Variants in FABP12 observed in about 807,000 individuals in gnomAD.
The protein encoded by FABP12 is fatty acid binding protein 12.
FABP12 carries 19 observed loss-of-function variants against 13.7 expected under a neutral mutation model. The ratio of observed to expected loss-of-function variants is 1.39; its 90% CI spans 0.97 to 2.04. The LOEUF (loss-of-function observed/expected upper bound fraction) is 2.04, where lower values mean the gene tolerates loss of function less well. Ranked by LOEUF, FABP12 falls within the 30% of genes most tolerant of loss-of-function variation. The pLI, the probability that FABP12 is intolerant of heterozygous loss-of-function variation, is 0.00. For missense variants in FABP12, 182 were observed against 164.2 expected, an observed-to-expected ratio of 1.11 and a Z score of -0.59; for synonymous variants, 61 against 57.0, an observed-to-expected ratio of 1.07 and a Z score of -0.32.
chr8:81,553,772 T>C (rs1809563392), intron 1 of FABP12, among the ~76,000 whole-genome samples: 1 of 152,226 alleles, frequency 6.6e-6, no homozygotes, highest in South Asian at 2.1e-4. Context: ...GTTACTTTTG[T>C]AGTGTTTCTT....
chr8:81,552,458 G>C (rs1809536917), intron 1 of FABP12, among the ~76,000 whole-genome samples: 1 of 152,144 alleles, frequency 6.6e-6, no homozygotes, highest in Non-Finnish European at 1.5e-5. Flanking sequence ...ACTGGGGAGT[G>C]ATTTGATCAG....
At chr8:81,531,786 A>G (rs1156644795) in intron 1 of FABP12, among the ~76,000 whole-genome samples, 2 of 152,212 alleles carry the variant, frequency 1.3e-5, no homozygotes, top group East Asian at 1.9e-4. Flanking sequence ...GATAGTTTCA[A>G]CTAAACACCA....
intron 1 of FABP12, among the ~76,000 whole-genome samples, chr8:81,560,609 G>C (rs1809706843): frequency 6.6e-6 from 1 of 152,124 alleles, no homozygotes; most frequent in Non-Finnish European, 1.5e-5. Context: ...GACCATACAT[G>C]CAATTTACTG....
intron 1 of FABP12, among the ~76,000 whole-genome samples, chr8:81,576,010 C>G (rs1003798602): frequency 6.6e-6 from 1 of 152,106 alleles, no homozygotes; most frequent in African/African-American, 2.4e-5. Flanking sequence ...TAATCAGAAG[C>G]CTTTATTTAA....
At chr8:81,576,391 G>A (rs1294739373) in intron 1 of FABP12, among the ~76,000 whole-genome samples, 1 of 151,842 alleles carries the variant, frequency 6.6e-6, no homozygotes, top group Non-Finnish European at 1.5e-5. Flanking sequence ...ATAGTAAAAG[G>A]TCTTCTCCCA....
chr8:81,535,940 T>C (rs1443373447), upstream of FABP12, among the ~76,000 whole-genome samples: 1 of 152,216 alleles, frequency 6.6e-6, no homozygotes, highest in Non-Finnish European at 1.5e-5. Context: ...AGCACCCTTG[T>C]TGGCTAATCA....
intron 1 of FABP12, among the ~76,000 whole-genome samples, chr8:81,563,592 C>A (rs1166726753): frequency 2.0e-5 from 3 of 152,050 alleles, no homozygotes; most frequent in Admixed American, 2.0e-4. Flanking sequence ...AGATTGAAAT[C>A]ATTAAAAAGA....
chr8:81,525,843 G>A (rs933640804), intron 4 of FABP12: 2 of 151,958 alleles, frequency 1.3e-5, no homozygotes, highest in African/African-American at 4.8e-5. Context: ...TGGTTTTCAG[G>A]GCACTAATAT....
intron 1 of FABP12, among the ~76,000 whole-genome samples, chr8:81,575,364 A>G (rs1463026205): frequency 6.6e-6 from 1 of 152,114 alleles, no homozygotes; most frequent in African/African-American, 2.4e-5. Context: ...GGCTCGTTTT[A>G]TGGCCTATCA....
At chr8:81,571,297 C>A (rs572190455) in intron 1 of FABP12, among the ~76,000 whole-genome samples, 1 of 152,374 alleles carries the variant, frequency 6.6e-6, no homozygotes, top group East Asian at 1.9e-4. Flanking sequence ...TGCAGAGAGG[C>A]CCAGGTCCAT....
intron 1 of FABP12, among the ~76,000 whole-genome samples, chr8:81,541,537 C>CT (rs1487426809): frequency 3.3e-5 from 5 of 152,142 alleles, no homozygotes; most frequent in Non-Finnish European, 7.4e-5. Context: ...GGCCTCAGTC[C>CT]TTGCATGGTA....
intron 1 of FABP12, among the ~76,000 whole-genome samples, chr8:81,589,784 A>G (rs74542749): frequency 6.6e-6 from 1 of 152,190 alleles, no homozygotes; most frequent in Admixed American, 6.5e-5. Context: ...GCAGGCATCA[A>G]GTACCCAAAG....
chr8:81,530,321 A>T (rs907920391), intron 2 of FABP12, among the ~76,000 whole-genome samples: 5 of 152,118 alleles, frequency 3.3e-5, no homozygotes, highest in Non-Finnish European at 7.4e-5. Context: ...ATACTTTTTC[A>T]TAGTACATAA....
At chr8:81,575,545 A>G (rs973056954) in intron 1 of FABP12, among the ~76,000 whole-genome samples, 1 of 152,200 alleles carries the variant, frequency 6.6e-6, no homozygotes, top group Admixed American at 6.5e-5. Context: ...TAGTGCTGTC[A>G]GTGGAGTATT....
chr8:81,560,193 G>A (rs1004451907), intron 1 of FABP12, among the ~76,000 whole-genome samples: 8 of 152,166 alleles, frequency 5.3e-5, no homozygotes, highest in Non-Finnish European at 1.0e-4. Context: ...TCAACTGAAG[G>A]AAATGAAGAA....
intron 1 of FABP12, among the ~76,000 whole-genome samples, chr8:81,565,154 T>C (rs1172032313): frequency 2.6e-5 from 4 of 152,026 alleles, no homozygotes; most frequent in African/African-American, 9.7e-5. Context: ...TAAATATATA[T>C]GCAACCAACA....
chr8:81,578,456 C>T (rs1030315786), intron 1 of FABP12, among the ~76,000 whole-genome samples: 1 of 151,256 alleles, frequency 6.6e-6, no homozygotes, highest in Non-Finnish European at 1.5e-5. Context: ...GAGAATTTGC[C>T]TGAGACAAAA....
chr8:81,573,129 G>A (rs568877475), intron 1 of FABP12, among the ~76,000 whole-genome samples: 13 of 152,256 alleles, frequency 8.5e-5, no homozygotes, highest in African/African-American at 3.1e-4. Flanking sequence ...TTTTGTATAA[G>A]GTGAGAGATG....
chr8:81,529,529 A>T (rs767971898), exon 3 of FABP12: 1 of 1,613,776 alleles, frequency 6.2e-7, no homozygotes, highest in African/African-American at 1.3e-5. Context: ...TTTGGTTTTT[A>T]TTGTGATGAC....
Sources: allele counts gnomAD v4.1 joint callset (sites outside exome capture counted in the v4.1 genomes callset), GRCh38; gene constraint gnomAD v4.1.1; transcripts MANE v1.5; gene names NCBI Gene and HGNC (gene_info 2026-07-23, HGNC 2026-07-21).